The following DLL4 variants were observed in gnomAD, a reference collection of about 807,000 sequenced individuals.
DLL4 encodes delta-like protein 4.
Under a neutral mutation model 73.6 loss-of-function variants are expected in DLL4, and 7 were observed. The ratio of observed to expected loss-of-function variants is 0.10; its 90% confidence interval spans 0.05 to 0.18. The LOEUF is 0.18. Among genes scored for constraint, DLL4 ranks in the 10% least tolerant of loss-of-function variants. DLL4 has a pLI of 1.00. For synonymous variants in DLL4, 345 were observed against 374.3 expected, an observed-to-expected ratio of 0.92 and a Z score of 0.90; for missense variants, 614 against 929.9, an observed-to-expected ratio of 0.66 and a Z score of 4.42.
chr15:40,930,231 C>G lies in DLL4; in HGVS notation c.336+115C>G, dbSNP rs1892746166. On this transcript the variant is annotated intron_variant, in intron 2 of 10. Coordinates refer to ENST00000249749, the MANE Select transcript of DLL4 (RefSeq NM_019074.4). This position sits in a 1 kb window ranked among gnomAD's most constrained non-coding sequence, Gnocchi z 5.7. ...CACACACCCCCACCCCCAAAAAGCCCAGGATGCATTCTTTCCTGGCTCTTC... is the reference window on the plus strand; with the variant it reads ...CACACACCCCCACCCCCAAAAAGCCGAGGATGCATTCTTTCCTGGCTCTTC... 7 of 1,296,620 alleles carry G rather than the reference C, an allele frequency of 5.4e-6. No individual in the cohort carries two copies. Among genetic ancestry groups the G allele is most frequent in the Non-Finnish European group, 7.4e-6 (7 of 949,476 alleles). 80.3% of individuals were successfully genotyped at this position (1,296,620 alleles called of 1,614,324 possible).
Position 40,934,852 on chromosome 15 carries a change from C to T in DLL4, c.1021-46C>T, listed in dbSNP as rs2277538. 0.026 allele frequency: 41,220 copies of T among 1,598,166 alleles called. 2,225 individuals carry two copies. Among genetic ancestry groups the T allele is most frequent in the African/African-American group, 0.2 (15,299 of 74,728 alleles). On this transcript the variant is annotated intron_variant, in intron 7 of 10. Coordinates refer to ENST00000249749, the MANE Select transcript of DLL4 (RefSeq NM_019074.4). Reference sequence around the variant, plus strand: ...GAGCCCAGCCTTCAGTCACACATCCCTGCCCCCCAGGGTCTGACTTTGGCC... The same window carrying T: ...GAGCCCAGCCTTCAGTCACACATCCTTGCCCCCCAGGGTCTGACTTTGGCC...
chr15:40,935,162 TGAGA>T, intron 8 of DLL4, 45 bp downstream of exon 8: 1 of 1,557,740 alleles, frequency 6.4e-7, no homozygotes, highest in Non-Finnish European at 8.7e-7. Context: ...GCCCTGGGGC[TGAGA>T]GAGACTTCTG....
rs1032635541 is a variant in DLL4 at position 40,937,272 on chromosome 15, C to T, written c.1944-146C>T. On this transcript the variant is annotated intron_variant, in intron 9 of 10. Coordinates refer to ENST00000249749, the MANE Select transcript of DLL4 (RefSeq NM_019074.4). ...TTAGGGGCCTTTTCCTAAGTGCCCC[C>T]CTGCAGCAGCCCAGCACTGGGCACG... 6 of 680,068 alleles carry T rather than the reference C, an allele frequency of 8.8e-6. No homozygotes were observed. The African/African-American group carries it at 8.9e-5, about 10-fold the overall frequency. 42.1% of individuals were successfully genotyped at this position (680,068 alleles called of 1,614,324 possible). A position where few individuals can be genotyped will look rare whatever the true frequency, so the allele number is the denominator to read the frequency against.
Position 40,929,466 on chromosome 15 carries a change from C to G in DLL4, c.-203C>G. The G allele has an allele frequency of 1.8e-6, 1 of 557,452 alleles. No individual in the cohort carries two copies. Among genetic ancestry groups the G allele is most frequent in the South Asian group, 2.7e-5 (1 of 37,658 alleles). 34.5% of individuals were successfully genotyped at this position (557,452 alleles called of 1,614,324 possible). On this transcript the variant is annotated 5_prime_UTR_variant, in exon 1 of 11. Coordinates refer to ENST00000249749, the MANE Select transcript of DLL4 (RefSeq NM_019074.4). This position sits in a 1 kb window ranked among gnomAD's most constrained non-coding sequence, Gnocchi z 7.1. The stretch of plus-strand genomic sequence containing the variant: ...GATTAGACAGAAGACGCGTCCTCGG[C>G]GCGGTCGCCGCCCAGCCGTAGTCAC...
At position 40,936,890 on chromosome 15, in the gene DLL4, G is replaced by A. The variant is rs1892854532; in HGVS notation, c.1903G>A (p.Asp635Asn). 3 of 1,612,360 alleles carry A rather than the reference G, an allele frequency of 1.9e-6. No homozygotes were observed. ...GTMPGKFPHS[D>N]KSLGEKAPLR... is the part of the protein sequence containing the mutation. The stretch of plus-strand genomic sequence containing the variant: ...CATGCCAGGAAAGTTTCCCCACAGT[G>A]ACAAGAGCTTAGGAGAGAAGGCGCC... Residue 635 changes from aspartate to asparagine, a missense_variant, in exon 9 of 11, where the codon GAC (aspartate) becomes AAC (asparagine). Asp to Asn is a conservative substitution (Grantham distance 23). This residue lies in a region of DLL4 where 386 missense variants were observed against 541.3 expected (regional missense o/e 0.71). Coordinates refer to ENST00000249749, the MANE Select transcript of DLL4 (RefSeq NM_019074.4).
In DLL4 at chr15:40,935,011, G is replaced by C. The variant is rs373534328; in HGVS notation, c.1134G>C (p.Arg378=). 1.4e-4 allele frequency: 228 copies of C among 1,613,430 alleles called. No individual in the cohort carries two copies. The highest frequency in any genetic ancestry group is 3.6e-4 in the South Asian group (33 of 91,096). The change falls in exon 8 of 11, where the codon CGG becomes CGC. Residue 378 remains arginine (R), a synonymous_variant. Coordinates refer to ENST00000249749, the MANE Select transcript of DLL4 (RefSeq NM_019074.4). ...CCTGCTTCAATGGGGGCTCCTGCCGGGAGCGCAACCAGGGGGCCAACTATG... is the reference window on the plus strand; with the variant it reads ...CCTGCTTCAATGGGGGCTCCTGCCGCGAGCGCAACCAGGGGGCCAACTATG... The part of the protein sequence containing the change: ...DSPCFNGGSC[R]ERNQGANYAC...
Position 40,930,253 on chromosome 15 carries a change from C to T in DLL4, c.336+137C>T. The T allele has an allele frequency of 9.3e-7, 1 of 1,075,886 alleles. No individual in the cohort carries two copies. The highest frequency in any genetic ancestry group is 1.3e-6 in the Non-Finnish European group (1 of 757,424). 66.6% of individuals were successfully genotyped at this position (1,075,886 alleles called of 1,614,324 possible). A position where few individuals can be genotyped will look rare whatever the true frequency, so the allele number is the denominator to read the frequency against. ...GCCCAGGATGCATTCTTTCCTGGCT[C>T]TTCCCGACTCTCTCCTGAGACTGAT... On this transcript the variant is annotated intron_variant, in intron 2 of 10. Transcript: ENST00000249749. This position sits in a 1 kb window ranked among gnomAD's most constrained non-coding sequence, Gnocchi z 5.7.
Position 40,930,471 on chromosome 15 carries a change from C to A in DLL4, c.337-154C>A. 2.8e-6 allele frequency: 2 copies of A among 707,376 alleles called. No individual in the cohort carries two copies. Among genetic ancestry groups the A allele is most frequent in the Admixed American group, 2.3e-5 (1 of 42,554 alleles). 43.8% of individuals were successfully genotyped at this position (707,376 alleles called of 1,614,324 possible). ...GGGTTCTCCTCTCGCCTTCCCTGCT[C>A]AAGCGCTACACTGTGCACAGCCCCG... On this transcript the variant is annotated intron_variant, in intron 2 of 10. Transcript: ENST00000249749. The surrounding 1 kb of genome is among the most constrained non-coding windows in gnomAD (Gnocchi z 5.7).
At chr15:40,932,499 G>A in intron 6 of DLL4, 52 bp downstream of exon 6, 1 of 1,604,872 alleles carries the variant, frequency 6.2e-7, no homozygotes, top group Non-Finnish European at 8.5e-7. Flanking sequence ...ATGGGGCTGG[G>A]GGGTGGAAAT....
rs758825998 is a variant in DLL4 at position 40,932,376 on chromosome 15, G to A, written c.779G>A (p.Arg260His). Residue 260 changes from arginine (R) to histidine (H), a missense_variant, in exon 6 of 11, where the codon CGC (arginine) becomes CAC (histidine). Around this residue, in one of 3 missense-constraint regions of DLL4, gnomAD observed 227 missense variants for 370.8 expected, o/e 0.61. Coordinates refer to ENST00000249749, the MANE Select transcript of DLL4 (RefSeq NM_019074.4). Reference protein sequence around the residue: ...CNECIPHNGCRHGTCSTPWQC... With the variant: ...CNECIPHNGCHHGTCSTPWQC... ...GAATGCATCCCCCACAATGGCTGTC[G>A]CCACGGCACCTGCAGCACTCCCTGG... The A allele has an allele frequency of 9.9e-6, 16 of 1,613,838 alleles. No homozygotes were observed. The East Asian group carries it at 1.8e-4, about 18-fold the overall frequency.
chr15:40,933,062 G>T lies in DLL4; in HGVS notation c.850+615G>T, dbSNP rs553948043. On this transcript the variant is annotated intron_variant, in intron 6 of 10. Transcript: ENST00000249749. ...CAGGGGCCTTTCAGCCCCAACCTTG[G>T]GGGAGGAGGAAGCCTTTTTTCTTGC... Among the ~76,000 whole-genome samples, 15 of 152,360 alleles carry T rather than the reference G, an allele frequency of 9.8e-5. No homozygotes were observed. The East Asian group carries it at 1.2e-3, about 12-fold the overall frequency.
At position 40,936,367 on chromosome 15, in the gene DLL4, T is replaced by C; in HGVS notation, c.1380T>C (p.Asn460=). The part of the protein sequence containing the change: ...AHGGTCHDLE[N]GLMCTCPAGF... ...GTGGCACTTGCCATGACCTGGAGAA[T>C]GGGCTCATGTGCACCTGCCCTGCCG... The change falls in exon 9 of 11, where the codon AAT becomes AAC. Residue 460 remains asparagine (N), a synonymous_variant. Coordinates refer to ENST00000249749, the MANE Select transcript of DLL4 (RefSeq NM_019074.4). 1 of 1,611,472 alleles carries C rather than the reference T, an allele frequency of 6.2e-7. No individual in the cohort carries two copies. Among genetic ancestry groups the C allele is most frequent in the Non-Finnish European group, 8.5e-7 (1 of 1,179,144 alleles).
chr15:40,930,167 C>T lies in DLL4; in HGVS notation c.336+51C>T. 2 of 1,569,546 alleles carry T rather than the reference C, an allele frequency of 1.3e-6. No homozygotes were observed. The highest frequency in any genetic ancestry group is 2.3e-5 in the East Asian group (1 of 43,002). ...AGGTCGCAGAAGCCGAGAGAGGAGGCGCCCTGGGACCAAAGCCCCCTCCCC... is the reference window on the plus strand; with the variant it reads ...AGGTCGCAGAAGCCGAGAGAGGAGGTGCCCTGGGACCAAAGCCCCCTCCCC... On this transcript the variant is annotated intron_variant, in intron 2 of 10. Coordinates refer to ENST00000249749, the MANE Select transcript of DLL4 (RefSeq NM_019074.4). The surrounding 1 kb of genome is among the most constrained non-coding windows in gnomAD (Gnocchi z 5.7).
chr15:40,937,672 C>T (rs1039193090), intron 10 of DLL4, 146 bp downstream of exon 10: 1 of 702,158 alleles, frequency 1.4e-6, no homozygotes, highest in Non-Finnish European at 2.6e-6. Flanking sequence ...CCCTGCTGGC[C>T]TCATTGCCAC....
In DLL4 at chr15:40,930,244, T is replaced by G. The variant is rs1261497969; in HGVS notation, c.336+128T>G. 2.6e-6 allele frequency: 3 copies of G among 1,135,040 alleles called. No homozygotes were observed. Among genetic ancestry groups the G allele is most frequent in the Non-Finnish European group, 3.7e-6 (3 of 809,678 alleles). 70.3% of individuals were successfully genotyped at this position (1,135,040 alleles called of 1,614,324 possible). A position where few individuals can be genotyped will look rare whatever the true frequency, so the allele number is the denominator to read the frequency against. The stretch of plus-strand genomic sequence containing the variant: ...CCCCAAAAAGCCCAGGATGCATTCT[T>G]TCCTGGCTCTTCCCGACTCTCTCCT... On this transcript the variant is annotated intron_variant, in intron 2 of 10. Coordinates refer to ENST00000249749, the MANE Select transcript of DLL4 (RefSeq NM_019074.4). This position sits in a 1 kb window ranked among gnomAD's most constrained non-coding sequence, Gnocchi z 5.7.
In DLL4 at chr15:40,936,766, G is replaced by A. The variant is rs767022770; in HGVS notation, c.1779G>A (p.Glu593=). ...TTAAAAACACAAACCAGAAGAAGGAGCTGGAAGTGGACTGTGGCCTGGACA... is the reference window on the plus strand; with the variant it reads ...TTAAAAACACAAACCAGAAGAAGGAACTGGAAGTGGACTGTGGCCTGGACA... The part of the protein sequence containing the change: ...AQLKNTNQKK[E]LEVDCGLDKS... The change falls in exon 9 of 11, where the codon GAG becomes GAA. Residue 593 remains glutamate (E), a synonymous_variant. Transcript: ENST00000249749. 6.2e-7 allele frequency: 1 copy of A among 1,613,928 alleles called. No individual in the cohort carries two copies. Among genetic ancestry groups the A allele is most frequent in the South Asian group, 1.1e-5 (1 of 91,088 alleles).
chr15:40,929,837 T>C lies in DLL4; in HGVS notation c.67-10T>C, dbSNP rs1249140063. ...TCCCCTCCCTCCTTCCCTCGGTCCC[T>C]GTGCAATAGCGCGCGGCCGGCTCCG... is the stretch of plus-strand genomic sequence containing the variant. On this transcript the variant is annotated splice_polypyrimidine_tract_variant and intron_variant, in intron 1 of 10. Transcript: ENST00000249749. This position sits in a 1 kb window ranked among gnomAD's most constrained non-coding sequence, Gnocchi z 7.1. The C allele has an allele frequency of 1.9e-5, 31 of 1,610,338 alleles. No homozygotes were observed. Among genetic ancestry groups the C allele is most frequent in the Non-Finnish European group, 2.5e-5 (30 of 1,179,384 alleles).
rs757456948 is a variant in DLL4, at chr15:40,929,677, A to T, written c.9A>T (p.Ala3=). The T allele has an allele frequency of 6.4e-7, 1 of 1,552,206 alleles. No individual in the cohort carries two copies. Among genetic ancestry groups the T allele is most frequent in the Non-Finnish European group, 8.6e-7 (1 of 1,159,142 alleles). ...GAGCGACGCCCGAGGGGATGGCGGC[A>T]GCGTCCCGGAGCGCCTCTGGCTGGG... MA[A]ASRSASGWAL... Residue 3 remains alanine, a synonymous_variant, in exon 1 of 11, where the codon GCA becomes GCT. Transcript: ENST00000249749. This position sits in a 1 kb window ranked among gnomAD's most constrained non-coding sequence, Gnocchi z 7.1.
rs746524209 is a variant in DLL4, at chr15:40,938,036, G to C, written c.*2G>C. The stretch of plus-strand genomic sequence containing the variant: ...CCTTCCGCTTGCTCCCAGGTATAAG[G>C]CAGGAGCCTACCTGGACATCCCTGC... On this transcript the variant is annotated 3_prime_UTR_variant, in exon 11 of 11. Transcript: ENST00000249749. The C allele has an allele frequency of 6.3e-7, 1 of 1,584,722 alleles. No individual in the cohort carries two copies. Among genetic ancestry groups the C allele is most frequent in the Admixed American group, 1.8e-5 (1 of 54,798 alleles).
Sources: gnomAD v4.1 joint callset for allele counts (sites outside exome capture counted in the v4.1 genomes callset) on GRCh38, gnomAD v4.1.1 for gene constraint, gnomAD v4.1.1 regional missense constraint, Gnocchi (gnomAD v3.1) non-coding constraint, MANE v1.5 for transcripts, NCBI Gene and HGNC (gene_info 2026-07-23, HGNC 2026-07-21) for gene names.